SORCS2: variants seen among roughly 807,000 people sequenced by gnomAD.
SORCS2 encodes sortilin related VPS10 domain containing receptor 2, also known as VPS10 domain-containing receptor SorCS2.
Under a neutral mutation model 141.6 loss-of-function variants are expected in SORCS2, and 100 were observed. The ratio of observed to expected loss-of-function variants is 0.71; its 90% CI spans 0.60 to 0.83. SORCS2 has a LOEUF of 0.83. Ranked by LOEUF, SORCS2 falls within the 40% of genes least tolerant of loss-of-function variation. The pLI, the probability that SORCS2 is intolerant of heterozygous loss-of-function variation, is 0.00. For missense variants in SORCS2, 1,646 were observed against 1,560.2 expected (o/e 1.05, Z -0.93); for synonymous variants, 789 against 676.9 (o/e 1.17, Z -2.57).
At chr4:7,353,247 GT>G (rs1307595125) in intron 1 of SORCS2, among the ~76,000 whole-genome samples, 1 of 152,222 alleles carries the variant, frequency 6.6e-6, no homozygotes, top group Non-Finnish European at 1.5e-5. Flanking sequence ...AGGCAAAAAA[GT>G]GGGGGTGTCT....
At chr4:7,320,950 A>G (rs1163851380) in intron 1 of SORCS2, among the ~76,000 whole-genome samples, 1 of 150,894 alleles carries the variant, frequency 6.6e-6, no homozygotes, top group Non-Finnish European at 1.5e-5. Context: ...TATATATAAA[A>G]TTTCAATAGC....
intron 1 of SORCS2, among the ~76,000 whole-genome samples, chr4:7,384,811 G>A (rs780442570): frequency 1.3e-5 from 2 of 152,230 alleles, no homozygotes; most frequent in East Asian, 1.9e-4. Context: ...CAGCAGGCAC[G>A]GGCACGTAGA....
chr4:7,505,173 T>C (rs771190475), intron 2 of SORCS2, among the ~76,000 whole-genome samples: 6 of 152,016 alleles, frequency 3.9e-5, no homozygotes, highest in Admixed American at 1.3e-4. Context: ...GAGGCTAGCG[T>C]TGTGGCTTCT....
intron 1 of SORCS2, among the ~76,000 whole-genome samples, chr4:7,228,117 A>T (rs1403949797): frequency 6.6e-6 from 1 of 152,156 alleles, no homozygotes; most frequent in Admixed American, 6.5e-5. Flanking sequence ...GGAGGCTGGA[A>T]GCTAAGACAA....
chr4:7,550,933 C>T (rs1452922514), intron 3 of SORCS2, among the ~76,000 whole-genome samples: 1 of 152,218 alleles, frequency 6.6e-6, no homozygotes, highest in Non-Finnish European at 1.5e-5. Context: ...ACCAGCTGAG[C>T]TTGGCTTTCC....
chr4:7,304,380 TC>T (rs1168980634), intron 1 of SORCS2, among the ~76,000 whole-genome samples: 2 of 152,014 alleles, frequency 1.3e-5, no homozygotes. Context: ...CCTGCCTCCT[TC>T]CCCCCTTTTA....
chr4:7,532,502 A>G (rs1352742755), intron 3 of SORCS2, among the ~76,000 whole-genome samples: 1 of 152,248 alleles, frequency 6.6e-6, no homozygotes, highest in Non-Finnish European at 1.5e-5. Flanking sequence ...AAATCTGAGC[A>G]GCTTGGAGTC....
chr4:7,305,235 G>T (rs182786230), intron 1 of SORCS2, among the ~76,000 whole-genome samples: 3 of 152,212 alleles, frequency 2.0e-5, no homozygotes, highest in Non-Finnish European at 4.4e-5. Context: ...GTTTCACCGT[G>T]TTAGCCAGGA....
chr4:7,668,256 G>T (rs1722611865), intron 8 of SORCS2, among the ~76,000 whole-genome samples: 1 of 152,190 alleles, frequency 6.6e-6, no homozygotes, highest in African/African-American at 2.4e-5. Flanking sequence ...GAGACACAGA[G>T]TGATGGAGGG....
intron 1 of SORCS2, among the ~76,000 whole-genome samples, chr4:7,245,813 C>T (rs1378863985): frequency 3.3e-5 from 5 of 152,078 alleles, no homozygotes; most frequent in Non-Finnish European, 5.9e-5. Context: ...CTGTCCCTGC[C>T]GTGAGGAGTG....
Position 7,712,787 on chromosome 4 carries a change from C to G in SORCS2, c.1923C>G (p.Phe641Leu), listed in dbSNP as rs1178129153. 1 of 1,613,794 alleles carries G rather than the reference C, an allele frequency of 6.2e-7. No individual in the cohort carries two copies. The highest frequency in any genetic ancestry group is 1.1e-5 in the South Asian group (1 of 91,082). Reference protein sequence around the residue: ...RSDWELVKVDFRPSFSRQCGE... With the variant: ...RSDWELVKVDLRPSFSRQCGE... Reference sequence around the variant, plus strand: ...ATTGGGAGCTGGTCAAGGTGGACTTCCGGCCCTCATTCTCCAGGCAGTGCG... The same window carrying G: ...ATTGGGAGCTGGTCAAGGTGGACTTGCGGCCCTCATTCTCCAGGCAGTGCG... Residue 641 changes from phenylalanine to leucine, a missense_variant, in exon 15 of 27, where the codon TTC becomes TTG. Phe to Leu is a conservative substitution (Grantham distance 22). Transcript: ENST00000507866.
intron 1 of SORCS2, among the ~76,000 whole-genome samples, chr4:7,384,798 G>T (rs1723194426): frequency 6.6e-6 from 1 of 152,216 alleles, no homozygotes; most frequent in Non-Finnish European, 1.5e-5. Flanking sequence ...GCCCAGGACT[G>T]CACAGCAGGC....
intron 3 of SORCS2, among the ~76,000 whole-genome samples, chr4:7,632,069 C>T (rs1719931785): frequency 6.6e-6 from 1 of 152,176 alleles, no homozygotes; most frequent in Admixed American, 6.5e-5. Flanking sequence ...CTTTTCCCAC[C>T]TGAGAAATGG....
At chr4:7,433,044 T>C (rs781353813) in intron 2 of SORCS2, 19 of 299,026 alleles carry the variant, frequency 6.4e-5, no homozygotes, top group Admixed American at 3.1e-4. Context: ...ATCTCAGCCT[T>C]GGAGATGAGA....
chr4:7,720,613 A>C (rs1726522964), intron 18 of SORCS2, among the ~76,000 whole-genome samples: 1 of 152,240 alleles, frequency 6.6e-6, no homozygotes, highest in Non-Finnish European at 1.5e-5. Flanking sequence ...ATATCCAACA[A>C]GGACCAGTAC....
At chr4:7,725,967 G>A (rs34935023) in intron 20 of SORCS2, among the ~76,000 whole-genome samples, 77,556 of 152,110 alleles carry the variant, frequency 0.51, 19,872 homozygotes, top group East Asian at 0.59. Flanking sequence ...CTGGGTTCAG[G>A]CCTCGGCTCC....
intron 2 of SORCS2, among the ~76,000 whole-genome samples, chr4:7,441,056 G>A (rs547015294): frequency 2.6e-4 from 39 of 152,150 alleles, no homozygotes; most frequent in Non-Finnish European, 5.3e-4. Context: ...GGAAGCAGGT[G>A]TGAGCTCAGC....
At chr4:7,360,515 C>A (rs138345277) in intron 1 of SORCS2, among the ~76,000 whole-genome samples, 41 of 149,332 alleles carry the variant, frequency 2.7e-4, no homozygotes, top group African/African-American at 7.9e-4. Flanking sequence ...AGTCCCAGTC[C>A]AGGCTCTGTG....
intron 2 of SORCS2, among the ~76,000 whole-genome samples, chr4:7,505,254 A>G (rs1330798105): frequency 6.6e-6 from 1 of 152,138 alleles, no homozygotes; most frequent in Non-Finnish European, 1.5e-5. Context: ...CGGATGTGGT[A>G]TAGGGAGATC....
Sources: gnomAD v4.1 joint callset for allele counts (sites outside exome capture counted in the v4.1 genomes callset) on GRCh38, gnomAD v4.1.1 for gene constraint, MANE v1.5 for transcripts, NCBI Gene and HGNC (gene_info 2026-07-23, HGNC 2026-07-21) for gene names.